The following ITGB8 variants were observed in gnomAD, a reference collection of about 807,000 sequenced individuals.
ITGB8 encodes integrin beta-8.
Under a neutral mutation model 89.5 loss-of-function variants are expected in ITGB8, and 30 were observed. The observed-to-expected ratio is 0.34, with a 90% CI of 0.25 to 0.45. The LOEUF is 0.45. Ranked by LOEUF, ITGB8 falls within the 20% of genes least tolerant of loss-of-function variation. The probability of loss-of-function intolerance (pLI) is 1.00; values close to 1 mark genes in which losing one functional copy is unlikely to be tolerated. For missense variants in ITGB8, 836 were observed against 933.3 expected (o/e 0.90, Z 1.36); for synonymous variants, 335 against 320.4 (o/e 1.05, Z -0.49).
At chr7:20,388,746 C>T (rs1245638472) in intron 6 of ITGB8, among the ~76,000 whole-genome samples, 1 of 152,044 alleles carries the variant, frequency 6.6e-6, no homozygotes, top group Non-Finnish European at 1.5e-5. Flanking sequence ...ATCAACCCAT[C>T]ATCTACATTA....
At chr7:20,356,463 G>A (rs191304454) in intron 1 of ITGB8, among the ~76,000 whole-genome samples, 55 of 152,146 alleles carry the variant, frequency 3.6e-4, no homozygotes, top group South Asian at 1.5e-3. Flanking sequence ...TGCTCAATTC[G>A]TCTGATTTTG....
chr7:20,365,350 C>T (rs899923161), intron 2 of ITGB8: 21 of 152,298 alleles, frequency 1.4e-4, no homozygotes, highest in African/African-American at 4.3e-4. Flanking sequence ...CTATATAGCG[C>T]AGTGCAGCCT....
At chr7:20,363,751 A>G (rs1286538093) in intron 2 of ITGB8, 29 bp downstream of exon 2, 3 of 1,396,784 alleles carry the variant, frequency 2.1e-6, no homozygotes, top group Non-Finnish European at 2.9e-6. Flanking sequence ...TCTTTTTCTC[A>G]TGGTTGACTT....
chr7:20,405,420 C>T (rs1787497271), intron 11 of ITGB8, among the ~76,000 whole-genome samples: 1 of 150,506 alleles, frequency 6.6e-6, no homozygotes, highest in South Asian at 2.1e-4. Context: ...ACGCCATTCT[C>T]TTGCCTCAGC....
At position 20,415,316 on chromosome 7, in the gene ITGB8, CAT is replaced by C. The variant is rs1446445792; in HGVS notation, c.*5321_*5322del. The stretch of plus-strand genomic sequence containing the variant: ...AGAAATGTATTAAACTTATCAGTAA[CAT>C]AAAAACTTATTTTGTTTCACCTAAC... On this transcript the variant is annotated 3_prime_UTR_variant, in exon 14 of 14. Transcript: ENST00000222573. The C allele has an allele frequency of 6.6e-6, 1 of 151,648 alleles. No homozygotes were observed. Among genetic ancestry groups the C allele is most frequent in the Non-Finnish European group, 1.5e-5 (1 of 67,834 alleles). 9.4% of individuals were successfully genotyped at this position (151,648 alleles called of 1,614,324 possible). A position where few individuals can be genotyped will look rare whatever the true frequency, so the allele number is the denominator to read the frequency against.
chr7:20,404,677 AGGT>A lies in ITGB8; in HGVS notation c.1739_1741del (p.Gly580del). 6.2e-7 allele frequency: 1 copy of A among 1,614,026 alleles called. No homozygotes were observed. The highest frequency in any genetic ancestry group is 2.2e-5 in the East Asian group (1 of 44,878). On this transcript the variant is annotated inframe_deletion, in exon 11 of 14. Coordinates refer to ENST00000222573, the MANE Select transcript of ITGB8 (RefSeq NM_002214.3). ...GATGCCAATGCTTCAGTGGCTGGGA[AGGT>A]GATCGATGCCAGTGCCCTTCAGCAG...
chr7:20,404,816 C>T lies in ITGB8; in HGVS notation c.1876C>T (p.His626Tyr). 6.2e-7 allele frequency: 1 copy of T among 1,614,206 alleles called. No homozygotes were observed. Among genetic ancestry groups the T allele is most frequent in the South Asian group, 1.1e-5 (1 of 91,080 alleles). ...DPRSIGRFCE[H>Y]CPTCYTACKE... ...CAGGAGCATCGGCCGCTTCTGTGAA[C>T]ACTGCCCCACCTGTTATACAGCCTG... The change falls in exon 11 of 14, where the codon CAC (histidine) becomes TAC (tyrosine). Residue 626 changes from histidine to tyrosine, a missense_variant. Transcript: ENST00000222573.
At chr7:20,332,140 A>C (rs975686818) in intron 1 of ITGB8, 1 of 1,104,044 alleles carries the variant, frequency 9.1e-7, no homozygotes, top group African/African-American at 1.6e-5. Context: ...AGCAAGGACT[A>C]ATTATCAGAG....
chr7:20,332,009 G>C (rs914328930), intron 1 of ITGB8, 76 bp downstream of exon 1: 1 of 1,553,736 alleles, frequency 6.4e-7, no homozygotes, highest in Non-Finnish European at 8.7e-7. Flanking sequence ...TGCCCGGCCA[G>C]AGCATCCCGG....
intron 1 of ITGB8, among the ~76,000 whole-genome samples, chr7:20,339,839 C>T (rs766367545): frequency 2.8e-4 from 43 of 152,134 alleles, no homozygotes; most frequent in Non-Finnish European, 5.1e-4. Flanking sequence ...ACCAGCCTGG[C>T]CAATATGGTG....
chr7:20,352,768 G>A (rs1035156324), intron 1 of ITGB8: 41 of 152,212 alleles, frequency 2.7e-4, no homozygotes, highest in African/African-American at 9.2e-4. Flanking sequence ...TCTGTGTTTA[G>A]GGTAACCTTA....
At chr7:20,351,731 G>A (rs1471263309) in intron 1 of ITGB8, among the ~76,000 whole-genome samples, 1 of 152,158 alleles carries the variant, frequency 6.6e-6, no homozygotes, top group Non-Finnish European at 1.5e-5. Flanking sequence ...TTACAATATA[G>A]AGTGTTGCTT....
intron 1 of ITGB8, among the ~76,000 whole-genome samples, chr7:20,351,732 AGT>A (rs1020063485): frequency 2.6e-5 from 4 of 152,208 alleles, no homozygotes; most frequent in African/African-American, 9.7e-5. Context: ...TACAATATAG[AGT>A]GTTGCTTTGC....
chr7:20,348,761 G>T (rs1325885555), intron 1 of ITGB8, among the ~76,000 whole-genome samples: 1 of 152,174 alleles, frequency 6.6e-6, no homozygotes, highest in African/African-American at 2.4e-5. Context: ...AAAGAATAGA[G>T]ATTGATAAGT....
At chr7:20,391,943 G>C (rs887187356) in intron 7 of ITGB8, among the ~76,000 whole-genome samples, 2 of 152,096 alleles carry the variant, frequency 1.3e-5, no homozygotes, top group African/African-American at 4.8e-5. Flanking sequence ...ACCTAGCTTT[G>C]GTCTAGGTCA....
intron 1 of ITGB8, among the ~76,000 whole-genome samples, chr7:20,349,102 A>G (rs1785025792): frequency 6.6e-6 from 1 of 152,148 alleles, no homozygotes; most frequent in Non-Finnish European, 1.5e-5. Flanking sequence ...AAGATATTAA[A>G]GTATTACGGA....
chr7:20,331,604 G>T lies in ITGB8; in HGVS notation c.-203G>T. 1 of 510,770 alleles carries T rather than the reference G, an allele frequency of 2.0e-6. No individual in the cohort carries two copies. The highest frequency in any genetic ancestry group is 5.1e-5 in the South Asian group (1 of 19,606). The allele number at this position is 510,770 out of a possible 1,614,324, so 31.6% of individuals were successfully genotyped here. A position where few individuals can be genotyped will look rare whatever the true frequency, so the allele number is the denominator to read the frequency against. On this transcript the variant is annotated 5_prime_UTR_variant, in exon 1 of 14. Transcript: ENST00000222573. ...GGGACCCGCCGTGCCGAGCCGGGAG[G>T]GCCGCAGGGGCCCTGAGATGCCGAG...
chr7:20,376,673 C>G (rs1184017192), intron 3 of ITGB8, among the ~76,000 whole-genome samples: 1 of 152,092 alleles, frequency 6.6e-6, no homozygotes, highest in Non-Finnish European at 1.5e-5. Context: ...TCCTCCTTAT[C>G]AAGCAGAGCA....
In ITGB8 at chr7:20,379,183, C is replaced by T; in HGVS notation, c.521C>T (p.Ser174Phe). ...TTAAATTCCGTTGGAAACGATTTAT[C>T]TAGAAAAATGGCATTTTTCTCCCGT... ...EKLNSVGNDL[S>F]RKMAFFSRDF... Residue 174 changes from serine to phenylalanine, a missense_variant, in exon 4 of 14, where the codon TCT becomes TTT. This residue lies in a region of ITGB8 where 38 missense variants were observed against 52.2 expected (regional missense o/e 0.73). Transcript: ENST00000222573. 6.2e-7 allele frequency: 1 copy of T among 1,612,498 alleles called. No individual in the cohort carries two copies. Among genetic ancestry groups the T allele is most frequent in the Non-Finnish European group, 8.5e-7 (1 of 1,179,188 alleles).
Sources: gnomAD v4.1 joint callset for allele counts (sites outside exome capture counted in the v4.1 genomes callset) on GRCh38, gnomAD v4.1.1 for gene constraint, gnomAD v4.1.1 regional missense constraint, MANE v1.5 for transcripts, NCBI Gene and HGNC (gene_info 2026-07-23, HGNC 2026-07-21) for gene names.